GALNT13: variants seen among roughly 807,000 people sequenced by gnomAD.
GALNT13 encodes UDP-GalNAc:polypeptide N-acetylgalactosaminyltransferase 13.
GALNT13 carries 28 observed loss-of-function variants against 64.2 expected under a neutral mutation model. That is an observed-to-expected ratio of 0.44 (90% CI 0.32 to 0.60). The LOEUF is 0.60. Ranked by LOEUF, GALNT13 falls within the 20% of genes least tolerant of loss-of-function variation. GALNT13 has a pLI of 0.05. For synonymous variants in GALNT13, 214 were observed against 224.6 expected (o/e 0.95, Z 0.42); for missense variants, 577 against 669.8 (o/e 0.86, Z 1.53).
At chr2:153,857,757 C>A in the GALNT13 span, among the ~76,000 whole-genome samples, 1 of 152,212 alleles carries the variant, frequency 6.6e-6, no homozygotes, top group East Asian at 1.9e-4. Flanking sequence ...TGTTGGACTG[C>A]CAGTGTTTAA....
the GALNT13 span, among the ~76,000 whole-genome samples, chr2:153,365,805 T>C: frequency 6.6e-6 from 1 of 152,148 alleles, no homozygotes; most frequent in Non-Finnish European, 1.5e-5. Flanking sequence ...GAATGTAAAT[T>C]AGTTCAACCA....
intron 12 of GALNT13, among the ~76,000 whole-genome samples, chr2:154,448,755 A>G (rs1344468934): frequency 6.6e-6 from 1 of 152,054 alleles, no homozygotes; most frequent in Non-Finnish European, 1.5e-5. Flanking sequence ...GTAACTGATA[A>G]TTGATCAAAG....
the GALNT13 span, among the ~76,000 whole-genome samples, chr2:153,326,311 T>C: frequency 6.6e-6 from 1 of 151,954 alleles, no homozygotes; most frequent in Non-Finnish European, 1.5e-5. Context: ...TTGGCCTTTT[T>C]TTTTTTTTTT....
At chr2:153,458,782 A>G in the GALNT13 span, among the ~76,000 whole-genome samples, 4 of 152,194 alleles carry the variant, frequency 2.6e-5, no homozygotes, top group Non-Finnish European at 5.9e-5. Flanking sequence ...CCCCTGTACA[A>G]ATCAAAAATG....
intron 2 of GALNT13, among the ~76,000 whole-genome samples, chr2:153,941,043 A>G (rs1691303671): frequency 6.6e-6 from 1 of 152,138 alleles, no homozygotes; most frequent in Non-Finnish European, 1.5e-5. Flanking sequence ...TCTAGATTTT[A>G]TTTCTTATAT....
intron 3 of GALNT13, among the ~76,000 whole-genome samples, chr2:154,063,642 C>T (rs1392976799): frequency 2.6e-5 from 4 of 152,068 alleles, no homozygotes; most frequent in Non-Finnish European, 4.4e-5. Context: ...CCAGAGGTTG[C>T]CACTTATCTG....
the GALNT13 span, among the ~76,000 whole-genome samples, chr2:153,235,783 A>T: frequency 6.6e-6 from 1 of 152,074 alleles, no homozygotes; most frequent in African/African-American, 2.4e-5. Context: ...GGAGGCTATG[A>T]CCACCCTATC....
chr2:153,803,350 G>A, the GALNT13 span, among the ~76,000 whole-genome samples: 1 of 152,098 alleles, frequency 6.6e-6, no homozygotes, highest in Non-Finnish European at 1.5e-5. Flanking sequence ...AAGCTTAAAT[G>A]AGGTCAATAA....
the GALNT13 span, among the ~76,000 whole-genome samples, chr2:153,099,545 AT>A: frequency 6.6e-6 from 1 of 152,216 alleles, no homozygotes; most frequent in Non-Finnish European, 1.5e-5. Flanking sequence ...GAAAGATTTT[AT>A]TAAAATATTT....
chr2:154,397,983 A>C (rs536940542), intron 10 of GALNT13, among the ~76,000 whole-genome samples: 2 of 152,292 alleles, frequency 1.3e-5, no homozygotes, highest in South Asian at 4.1e-4. Context: ...GTTGGCACTG[A>C]TCTCACAGGG....
At chr2:153,548,028 A>G in the GALNT13 span, among the ~76,000 whole-genome samples, 1 of 152,278 alleles carries the variant, frequency 6.6e-6, no homozygotes, top group South Asian at 2.1e-4. Flanking sequence ...ATTGGTAATA[A>G]TATTATTTAA....
chr2:154,442,094 A>T (rs1701326543), intron 12 of GALNT13, among the ~76,000 whole-genome samples: 1 of 152,100 alleles, frequency 6.6e-6, no homozygotes, highest in Non-Finnish European at 1.5e-5. Flanking sequence ...CAGTATTTCA[A>T]ATGGAATAGC....
chr2:153,757,497 T>C, the GALNT13 span, among the ~76,000 whole-genome samples: 2 of 152,314 alleles, frequency 1.3e-5, no homozygotes, highest in African/African-American at 4.8e-5. Flanking sequence ...CCTTGACATA[T>C]TGATTTCAAA....
intron 3 of GALNT13, among the ~76,000 whole-genome samples, chr2:154,044,889 G>T (rs937070476): frequency 1.3e-5 from 2 of 152,110 alleles, no homozygotes; most frequent in Non-Finnish European, 2.9e-5. Flanking sequence ...ATATCTAGAG[G>T]GTAGATAGTC....
rs80062328 is a variant in GALNT13 at position 154,139,905 on chromosome 2, T to G, written c.143-432T>G. Reference sequence around the variant, plus strand: ...AAATGTTTAGTTTTGTTTGCCTTTATAAAGATGTAATGGCAGTAGATATGT... The same window carrying G: ...AAATGTTTAGTTTTGTTTGCCTTTAGAAAGATGTAATGGCAGTAGATATGT... On this transcript the variant is annotated intron_variant, in intron 3 of 12. Transcript: ENST00000392825. Among the ~76,000 whole-genome samples the G allele has an allele frequency of 4.6e-5, 7 of 152,238 alleles. No homozygotes were observed. The East Asian group carries it at 1.4e-3, about 29-fold the overall frequency.
the GALNT13 span, among the ~76,000 whole-genome samples, chr2:153,783,594 G>A: frequency 6.6e-6 from 1 of 152,052 alleles, no homozygotes; most frequent in Non-Finnish European, 1.5e-5. Context: ...CAAGCTTATA[G>A]GGTTTCGCTG....
chr2:153,921,563 A>G (rs1400540934), intron 2 of GALNT13, among the ~76,000 whole-genome samples: 1 of 152,144 alleles, frequency 6.6e-6, no homozygotes, highest in African/African-American at 2.4e-5. Flanking sequence ...GTCCCCTGTG[A>G]CAAGCAATTT....
intron 11 of GALNT13, among the ~76,000 whole-genome samples, chr2:154,431,884 C>T (rs1208334916): frequency 6.6e-6 from 1 of 152,212 alleles, no homozygotes; most frequent in Non-Finnish European, 1.5e-5. Flanking sequence ...CCTCCTTCAC[C>T]TTCCACCACA....
chr2:154,298,789 ATATTAT>A (rs1693227850), intron 8 of GALNT13, among the ~76,000 whole-genome samples: 2 of 121,174 alleles, frequency 1.7e-5, no homozygotes, highest in Non-Finnish European at 3.2e-5. Flanking sequence ...TTTATATATT[ATATTAT>A]TTATATATAA....
Sources: gnomAD v4.1 joint callset for allele counts (sites outside exome capture counted in the v4.1 genomes callset) on GRCh38, gnomAD v4.1.1 for gene constraint, MANE v1.5 for transcripts, NCBI Gene and HGNC (gene_info 2026-07-23, HGNC 2026-07-21) for gene names.